FLI1: variants seen among roughly 807,000 people sequenced by gnomAD.
The protein encoded by FLI1 is Friend leukemia integration 1 transcription factor.
A neutral mutation model predicts 53.1 loss-of-function variants in FLI1; 13 were observed. The ratio of observed to expected loss-of-function variants is 0.24; its 90% CI spans 0.16 to 0.39. FLI1 has a LOEUF of 0.39. FLI1 is among the 10% of genes least tolerant of loss of function. The probability of loss-of-function intolerance (pLI) is 1.00; values close to 1 mark genes in which losing one functional copy is unlikely to be tolerated. For synonymous variants in FLI1, 244 were observed against 236.7 expected, an observed-to-expected ratio of 1.03 and a Z score of -0.28; for missense variants, 424 against 600.5, an observed-to-expected ratio of 0.71 and a Z score of 3.07.
intron 1 of FLI1, among the ~76,000 whole-genome samples, chr11:128,738,392 A>G (rs948252518): frequency 6.6e-6 from 1 of 152,198 alleles, no homozygotes; most frequent in Non-Finnish European, 1.5e-5. Context: ...CTCATTACTC[A>G]AATGATGCAA....
intron 5 of FLI1, among the ~76,000 whole-genome samples, chr11:128,782,389 G>T (rs971532186): frequency 2.6e-5 from 4 of 152,076 alleles, no homozygotes; most frequent in African/African-American, 9.7e-5. Flanking sequence ...ACCTTTAAAG[G>T]TTTTTTTCCT....
intron 5 of FLI1, among the ~76,000 whole-genome samples, chr11:128,790,103 T>C (rs643037): frequency 0.39 from 59,226 of 150,932 alleles, 12,760 homozygotes; most frequent in African/African-American, 0.6. Flanking sequence ...TGTGCACGCG[T>C]GCTGTTTCTG....
intron 1 of FLI1, among the ~76,000 whole-genome samples, chr11:128,743,129 C>T (rs1384468476): frequency 6.6e-6 from 1 of 152,058 alleles, no homozygotes; most frequent in Admixed American, 6.5e-5. Flanking sequence ...GGCTCATGCC[C>T]GTAATCCTAT....
rs547175645 is a variant in FLI1, at chr11:128,810,330, G to A, written c.830-129G>A. On this transcript the variant is annotated intron_variant, in intron 8 of 8. Transcript: ENST00000527786. This position sits in a 1 kb window ranked among gnomAD's most constrained non-coding sequence, Gnocchi z 6.6. The stretch of plus-strand genomic sequence containing the variant: ...TGACATAAGAAGGGCTTGTCAAGTC[G>A]ATCCCAATGTCGAAGGAAACAAAAG... The A allele has an allele frequency of 4.0e-5, 36 of 902,418 alleles. No homozygotes were observed. Among genetic ancestry groups the A allele is most frequent in the African/African-American group, 6.8e-5 (4 of 59,198 alleles). The allele number at this position is 902,418 out of a possible 1,614,324, so 55.9% of individuals were successfully genotyped here.
chr11:128,713,123 A>G (rs1938859021), intron 1 of FLI1, among the ~76,000 whole-genome samples: 1 of 152,028 alleles, frequency 6.6e-6, no homozygotes, highest in Non-Finnish European at 1.5e-5. Context: ...AGATGGGCAG[A>G]CTCCTCTCAG....
intron 4 of FLI1, among the ~76,000 whole-genome samples, chr11:128,774,587 G>C (rs1191731708): frequency 6.6e-6 from 1 of 152,194 alleles, no homozygotes; most frequent in Non-Finnish European, 1.5e-5. Context: ...GCAGGAGTTT[G>C]CAGGAACCCT....
In FLI1 at chr11:128,764,751, C is replaced by T. The variant is rs755657573; in HGVS notation, c.231-3367C>T. 5.4e-5 allele frequency: 85 copies of T among 1,584,690 alleles called. No individual in the cohort carries two copies. In the African/African-American group the frequency reaches 6.5e-4, roughly 12 times the overall value. ...GCCCCATGGCCGCACGCAGGGCTTG[C>T]GCTGGCTGGAGGAGGCACGGTGCTT... On this transcript the variant is annotated intron_variant, in intron 2 of 8. Coordinates refer to ENST00000527786, the MANE Select transcript of FLI1 (RefSeq NM_002017.5).
chr11:128,716,367 G>C (rs668248), intron 1 of FLI1, among the ~76,000 whole-genome samples: 80,991 of 151,998 alleles, frequency 0.53, 22,822 homozygotes, highest in South Asian at 0.71. Context: ...CCAGAGCTGG[G>C]GGTGGGGGTG....
At chr11:128,758,985 A>G (rs1040951666) in intron 2 of FLI1, among the ~76,000 whole-genome samples, 7 of 152,232 alleles carry the variant, frequency 4.6e-5, no homozygotes, top group Admixed American at 3.9e-4. Flanking sequence ...TGGGCAAGTC[A>G]TCGAAACCCC....
intron 1 of FLI1, among the ~76,000 whole-genome samples, chr11:128,756,253 G>A (rs1565483803): frequency 6.6e-6 from 1 of 152,176 alleles, no homozygotes; most frequent in Admixed American, 6.5e-5. Context: ...CAAGATCAGG[G>A]TGCCAGCAGG....
intron 1 of FLI1, among the ~76,000 whole-genome samples, chr11:128,731,479 C>CT (rs11445327): frequency 0.81 from 119,590 of 148,402 alleles, 48,450 homozygotes; most frequent in East Asian, 0.96. Context: ...TTGAGCAGCC[C>CT]TTTTTTTTTT....
At chr11:128,734,685 G>A (rs1939844108) in intron 1 of FLI1, among the ~76,000 whole-genome samples, 1 of 152,146 alleles carries the variant, frequency 6.6e-6, no homozygotes, top group African/African-American at 2.4e-5. Flanking sequence ...CTGTTGCTTG[G>A]GCATACTGTC....
intron 1 of FLI1, among the ~76,000 whole-genome samples, chr11:128,752,490 C>T (rs1940690443): frequency 6.6e-6 from 1 of 152,156 alleles, no homozygotes; most frequent in South Asian, 2.1e-4. Flanking sequence ...CTCTCTGACT[C>T]AAGATTTATG....
chr11:128,768,317 T>C (rs1941422663), intron 3 of FLI1, 45 bp downstream of exon 3: 1 of 1,489,206 alleles, frequency 6.7e-7, no homozygotes, highest in South Asian at 1.1e-5. Context: ...ACTTCCCCAC[T>C]CTCTGGGGGG....
At chr11:128,749,832 G>T (rs571423195) in intron 1 of FLI1, among the ~76,000 whole-genome samples, 1 of 152,278 alleles carries the variant, frequency 6.6e-6, no homozygotes, top group South Asian at 2.1e-4. Context: ...GTGGAAATGA[G>T]GAGCAAGAAA....
At chr11:128,793,751 G>A (rs1389422948) in intron 5 of FLI1, among the ~76,000 whole-genome samples, 1 of 152,204 alleles carries the variant, frequency 6.6e-6, no homozygotes, top group African/African-American at 2.4e-5. Flanking sequence ...CTACATTAAT[G>A]ATGGTGACAA....
intron 1 of FLI1, among the ~76,000 whole-genome samples, chr11:128,729,241 G>A (rs1035906984): frequency 6.6e-6 from 1 of 152,188 alleles, no homozygotes; most frequent in Non-Finnish European, 1.5e-5. Context: ...AGCGAGAGGA[G>A]GCAAGCTTAT....
At chr11:128,711,249 A>T (rs1938773720) in intron 1 of FLI1, among the ~76,000 whole-genome samples, 1 of 152,262 alleles carries the variant, frequency 6.6e-6, no homozygotes, top group African/African-American at 2.4e-5. Context: ...CATTCAAGTT[A>T]AAAACATCAT....
At chr11:128,702,611 C>T (rs1394442139) in intron 1 of FLI1, among the ~76,000 whole-genome samples, 6 of 152,138 alleles carry the variant, frequency 3.9e-5, no homozygotes, top group African/African-American at 1.4e-4. Context: ...CCTGTAATCC[C>T]AGCATTTTGG....
Sources: allele counts gnomAD v4.1 joint callset (sites outside exome capture counted in the v4.1 genomes callset), GRCh38; gene constraint gnomAD v4.1.1; non-coding constraint Gnocchi (gnomAD v3.1); transcripts MANE v1.5; gene names NCBI Gene and HGNC (gene_info 2026-07-23, HGNC 2026-07-21).